Variants in SYT1 observed in about 807,000 individuals in gnomAD.
SYT1 encodes the protein synaptotagmin 1.
A neutral mutation model predicts 44.8 loss-of-function variants in SYT1; 8 were observed. That is an observed-to-expected ratio of 0.18 (90% CI 0.10 to 0.32). The LOEUF is 0.32. SYT1 is among the 10% of genes least tolerant of loss of function. The pLI, the probability that SYT1 is intolerant of heterozygous loss-of-function variation, is 1.00. For missense variants in SYT1, 286 were observed against 509.3 expected, an observed-to-expected ratio of 0.56 and a Z score of 4.22; for synonymous variants, 154 against 188.8, an observed-to-expected ratio of 0.82 and a Z score of 1.51.
At chr12:79,226,815 G>A (rs1875549042) in intron 4 of SYT1, among the ~76,000 whole-genome samples, 1 of 152,046 alleles carries the variant, frequency 6.6e-6, no homozygotes. Flanking sequence ...AATTTTTCCT[G>A]CCTATATAAT....
chr12:79,282,329 A>G (rs901211053), intron 4 of SYT1, among the ~76,000 whole-genome samples: 1 of 152,224 alleles, frequency 6.6e-6, no homozygotes, highest in East Asian at 1.9e-4. Flanking sequence ...TTTGCCTTGT[A>G]CTTAATTATT....
intron 2 of SYT1, among the ~76,000 whole-genome samples, chr12:78,997,960 T>C (rs1288102680): frequency 1.3e-5 from 2 of 152,180 alleles, no homozygotes; most frequent in Non-Finnish European, 2.9e-5. Flanking sequence ...TCAGTCCACA[T>C]TTAAAAAGGA....
chr12:79,062,995 T>C (rs1592713647), intron 3 of SYT1, among the ~76,000 whole-genome samples: 1 of 152,160 alleles, frequency 6.6e-6, no homozygotes, highest in Non-Finnish European at 1.5e-5. Flanking sequence ...ATCTTTCTAA[T>C]TGTGGTTGAC....
At chr12:79,391,300 A>T (rs1884648356) in intron 9 of SYT1, among the ~76,000 whole-genome samples, 1 of 152,148 alleles carries the variant, frequency 6.6e-6, no homozygotes, top group African/African-American at 2.4e-5. Flanking sequence ...GGTTATTCTG[A>T]TGCAAAGTCC....
At chr12:78,921,491 A>AT (rs1025940264) in intron 1 of SYT1, among the ~76,000 whole-genome samples, 1 of 151,852 alleles carries the variant, frequency 6.6e-6, no homozygotes, top group Admixed American at 6.6e-5. Context: ...CTTAAACCAG[A>AT]TTTTTTTTCT....
chr12:79,211,948 A>G (rs1874485292), intron 3 of SYT1, among the ~76,000 whole-genome samples: 1 of 152,288 alleles, frequency 6.6e-6, no homozygotes, highest in Non-Finnish European at 1.5e-5. Flanking sequence ...TTATAAATGA[A>G]TATGTTATCC....
chr12:78,866,598 A>C (rs1176688939), intron 1 of SYT1, among the ~76,000 whole-genome samples: 1 of 152,174 alleles, frequency 6.6e-6, no homozygotes, highest in Non-Finnish European at 1.5e-5. Context: ...TTTTCTTATT[A>C]TTCTTCAGGG....
At chr12:79,259,456 G>A (rs924085140) in intron 4 of SYT1, among the ~76,000 whole-genome samples, 2 of 152,166 alleles carry the variant, frequency 1.3e-5, no homozygotes, top group Admixed American at 6.5e-5. Context: ...AAAGAAGGCC[G>A]GATGTGGTGG....
intron 1 of SYT1, among the ~76,000 whole-genome samples, chr12:78,963,815 T>C (rs1485673847): frequency 6.6e-6 from 1 of 152,130 alleles, no homozygotes; most frequent in Non-Finnish European, 1.5e-5. Flanking sequence ...GTAATATCAC[T>C]CCTGGGATTT....
chr12:78,894,681 A>G (rs1010346279), intron 1 of SYT1, among the ~76,000 whole-genome samples: 1 of 151,630 alleles, frequency 6.6e-6, no homozygotes, highest in Non-Finnish European at 1.5e-5. Context: ...AAAGCCAAAT[A>G]TCTGACGATC....
chr12:79,326,025 A>G (rs534566795), intron 8 of SYT1, among the ~76,000 whole-genome samples: 1 of 152,370 alleles, frequency 6.6e-6, no homozygotes, highest in South Asian at 2.1e-4. Context: ...GGGAAAATAT[A>G]CAAAGCTTAA....
chr12:79,280,546 A>G lies in SYT1; in HGVS notation c.167-5241A>G, dbSNP rs984923130. Among the ~76,000 whole-genome samples, 11 of 152,232 alleles carry G rather than the reference A, an allele frequency of 7.2e-5. 1 individual carries two copies. In the South Asian group the frequency reaches 2.3e-3, roughly 32 times the overall value. ...TTAAATGTAAGACCCAAAACCATAA[A>G]GATTCTAAAAGAAAACCTAGGGAAA... On this transcript the variant is annotated intron_variant, in intron 4 of 10. Coordinates refer to ENST00000261205, the MANE Select transcript of SYT1 (RefSeq NM_005639.3).
intron 9 of SYT1, among the ~76,000 whole-genome samples, chr12:79,358,075 T>G (rs1883180996): frequency 6.6e-6 from 1 of 152,188 alleles, no homozygotes; most frequent in African/African-American, 2.4e-5. Context: ...TAGCAATCAC[T>G]TTCCTCAAGT....
chr12:78,882,751 G>C (rs1874525434), intron 1 of SYT1, among the ~76,000 whole-genome samples: 1 of 151,734 alleles, frequency 6.6e-6, no homozygotes, highest in Non-Finnish European at 1.5e-5. Flanking sequence ...ACTAAATTTA[G>C]TTGACAGAAA....
At chr12:79,050,304 C>T (rs960124180) in intron 3 of SYT1, among the ~76,000 whole-genome samples, 4 of 151,778 alleles carry the variant, frequency 2.6e-5, no homozygotes, top group African/African-American at 9.7e-5. Context: ...ATTAACTAGG[C>T]TGAGGAGGAG....
intron 3 of SYT1, among the ~76,000 whole-genome samples, chr12:79,162,572 A>G (rs954776322): frequency 3.3e-5 from 5 of 152,136 alleles, no homozygotes; most frequent in Non-Finnish European, 7.4e-5. Context: ...TGAAACTGCT[A>G]CTATTTTTGT....
chr12:78,895,604 A>G (rs550011765), intron 1 of SYT1, among the ~76,000 whole-genome samples: 1 of 151,916 alleles, frequency 6.6e-6, no homozygotes, highest in Non-Finnish European at 1.5e-5. Context: ...ATACTTACCC[A>G]TATGTAAAAT....
chr12:78,927,588 G>T (rs923830182), intron 1 of SYT1, among the ~76,000 whole-genome samples: 1 of 151,960 alleles, frequency 6.6e-6, no homozygotes, highest in Admixed American at 6.6e-5. Context: ...ATATTCACCC[G>T]CCCCGCTTGT....
chr12:79,217,460 A>G, intron 3 of SYT1, 43 bp from the exon 4 acceptor site: 1 of 1,465,844 alleles, frequency 6.8e-7, no homozygotes, highest in Non-Finnish European at 9.0e-7. Flanking sequence ...GGAGCAGTTA[A>G]GCCATTTTGA....
Sources: allele counts gnomAD v4.1 joint callset (sites outside exome capture counted in the v4.1 genomes callset), GRCh38; gene constraint gnomAD v4.1.1; transcripts MANE v1.5; gene names NCBI Gene and HGNC (gene_info 2026-07-23, HGNC 2026-07-21).